MAPK13: variants seen among roughly 807,000 people sequenced by gnomAD.
MAPK13 encodes MAP kinase 13.
A neutral mutation model predicts 53.5 loss-of-function variants in MAPK13; 39 were observed. That is an observed-to-expected ratio of 0.73 (90% CI 0.56 to 0.95). The LOEUF is 0.95. Among genes scored for constraint, MAPK13 ranks in the 40% least tolerant of loss-of-function variants. MAPK13 has a pLI of 0.00. For synonymous variants in MAPK13, 179 were observed against 190.9 expected, an observed-to-expected ratio of 0.94 and a Z score of 0.51; for missense variants, 460 against 471.8, an observed-to-expected ratio of 0.98 and a Z score of 0.23.
At chr6:36,136,606 A>G in intron 6 of MAPK13, 50 bp from the exon 7 acceptor site, 1 of 1,609,144 alleles carries the variant, frequency 6.2e-7, no homozygotes, top group South Asian at 1.1e-5. Flanking sequence ...CCGCTCCCAG[A>G]GCCTCCTCCC....
rs1399362527 is a variant in MAPK13, at chr6:36,130,985, G to A, written c.119+284G>A. The A allele has an allele frequency of 3.1e-5, 16 of 524,414 alleles. No individual in the cohort carries two copies. In the East Asian group the frequency reaches 3.5e-4, roughly 12 times the overall value. The allele number at this position is 524,414 out of a possible 1,614,324, so 32.5% of individuals were successfully genotyped here. A position where few individuals can be genotyped will look rare whatever the true frequency, so the allele number is the denominator to read the frequency against. On this transcript the variant is annotated intron_variant, in intron 1 of 11. Transcript: ENST00000211287. This position sits in a 1 kb window ranked among gnomAD's most constrained non-coding sequence, Gnocchi z 4.5. ...CCTCACTGTTACAGACGAGTACACC[G>A]AGGCCCCAAGAGGGGGAGGTGGCTC...
rs1766413312 is a variant in MAPK13, at chr6:36,136,160, G to C, written c.447+112G>C. ...TGGAGGGAGGGGACACTGCCCAGGA[G>C]CACAGAATGTGGAGTTTTCACACCC... On this transcript the variant is annotated intron_variant, in intron 5 of 11. Transcript: ENST00000211287. The C allele has an allele frequency of 2.3e-6, 3 of 1,305,684 alleles. No individual in the cohort carries two copies. In the Admixed American group the frequency reaches 5.7e-5, roughly 25 times the overall value. 80.9% of individuals were successfully genotyped at this position (1,305,684 alleles called of 1,614,324 possible). A position where few individuals can be genotyped will look rare whatever the true frequency, so the allele number is the denominator to read the frequency against.
rs372731935 is a variant in MAPK13, at chr6:36,138,966, C to A, written c.929C>A (p.Pro310His). The A allele has an allele frequency of 6.2e-7, 1 of 1,613,820 alleles. No individual in the cohort carries two copies. The highest frequency in any genetic ancestry group is 1.3e-5 in the African/African-American group (1 of 74,920). Residue 310 changes from proline (P) to histidine (H), a missense_variant, in exon 11 of 12, where the codon CCC becomes CAC. Transcript: ENST00000211287. ...AQALTHPFFEPFRDPEEETEA... is the reference protein window; with the variant it reads ...AQALTHPFFEHFRDPEEETEA... ...GCCCTCACCCATCCCTTCTTTGAAC[C>A]CTTCCGGGACCCTGAGGAAGAGACG... is the stretch of plus-strand genomic sequence containing the variant.
In MAPK13 at chr6:36,130,836, C is replaced by A. The variant is rs915612573; in HGVS notation, c.119+135C>A. The A allele has an allele frequency of 1.9e-6, 1 of 528,634 alleles. No homozygotes were observed. Among genetic ancestry groups the A allele is most frequent in the African/African-American group, 2.0e-5 (1 of 48,868 alleles). The allele number at this position is 528,634 out of a possible 1,614,324, so 32.7% of individuals were successfully genotyped here. On this transcript the variant is annotated intron_variant, in intron 1 of 11. Transcript: ENST00000211287. The surrounding 1 kb of genome is among the most constrained non-coding windows in gnomAD (Gnocchi z 4.5). Reference sequence around the variant, plus strand: ...CAAGGCCCAGCGCCCTCCCCGGGGCCACCCAGCGGCCATCTCCCTTTTCTC... The same window carrying A: ...CAAGGCCCAGCGCCCTCCCCGGGGCAACCCAGCGGCCATCTCCCTTTTCTC...
Position 36,135,775 on chromosome 6 carries a change from C to T in MAPK13, c.331C>T (p.Gln111Ter), listed in dbSNP as rs776866585. Residue 111 changes from glutamine to a stop codon, truncating the protein, a stop_gained, in exon 4 of 12, where the codon CAG becomes TAG. Transcript: ENST00000211287. LOFTEE classifies it high-confidence loss of function. ...YDFYLVMPFM[Q>*]TDLQKIMGME... ...CAGCTACCTGGTGATGCCCTTCATG[C>T]AGACGGATCTGCAGAAGATCATGGG... The T allele has an allele frequency of 2.5e-6, 4 of 1,613,654 alleles. No homozygotes were observed. The South Asian group carries it at 4.4e-5, about 18-fold the overall frequency.
chr6:36,137,903 G>C (rs1278375794), intron 8 of MAPK13, among the ~76,000 whole-genome samples: 1 of 137,380 alleles, frequency 7.3e-6, no homozygotes, highest in Non-Finnish European at 1.5e-5. Flanking sequence ...AGGTTGCAGT[G>C]AGCCAAGACT....
At position 36,138,919 on chromosome 6, in the gene MAPK13, C is replaced by A. The variant is rs760221733; in HGVS notation, c.882C>A (p.Asp294Glu). ...AGAAGATGCTGGAGCTAGACGTGGACAAGCGCCTGACGGCCGCGCAGGCCC... is the reference window on the plus strand; with the variant it reads ...AGAAGATGCTGGAGCTAGACGTGGAAAAGCGCCTGACGGCCGCGCAGGCCC... ...LLEKMLELDV[D>E]KRLTAAQALT... The change falls in exon 11 of 12, where the codon GAC becomes GAA. Residue 294 changes from aspartate (D) to glutamate (E), a missense_variant. Asp to Glu is a conservative substitution (Grantham distance 45, BLOSUM62 2). Transcript: ENST00000211287. The A allele has an allele frequency of 6.2e-7, 1 of 1,611,980 alleles. No individual in the cohort carries two copies. The highest frequency in any genetic ancestry group is 1.1e-5 in the South Asian group (1 of 90,866).
chr6:36,131,266 G>C lies in MAPK13; in HGVS notation c.120-5G>C, dbSNP rs756025034. Reference sequence around the variant, plus strand: ...CTCGCCTGCTGACCGGCCTGTGCCCGACAGCTCGGCCATCGACAAGCGGTC... The same window carrying C: ...CTCGCCTGCTGACCGGCCTGTGCCCCACAGCTCGGCCATCGACAAGCGGTC... On this transcript the variant is annotated splice_region_variant and splice_polypyrimidine_tract_variant and intron_variant, in intron 1 of 11. Transcript: ENST00000211287. The C allele has an allele frequency of 6.2e-7, 1 of 1,611,178 alleles. No homozygotes were observed. Among genetic ancestry groups the C allele is most frequent in the African/African-American group, 1.3e-5 (1 of 75,040 alleles).
chr6:36,135,717 C>A (rs200235902), intron 3 of MAPK13, 36 bp from the exon 4 acceptor site: 1 of 1,499,658 alleles, frequency 6.7e-7, no homozygotes, highest in Non-Finnish European at 9.2e-7. Flanking sequence ...CTGGGTGGGA[C>A]CCGGCACTGT....
At chr6:36,133,774 T>C (rs749989690) in intron 3 of MAPK13, among the ~76,000 whole-genome samples, 18 of 152,104 alleles carry the variant, frequency 1.2e-4, no homozygotes, top group Non-Finnish European at 2.2e-4. Context: ...TTGTAGAATG[T>C]GGTAAGATAG....
At position 36,136,913 on chromosome 6, in the gene MAPK13, G is replaced by A; in HGVS notation, c.645G>A (p.Glu215=). 6.2e-7 allele frequency: 1 copy of A among 1,614,236 alleles called. No individual in the cohort carries two copies. Among genetic ancestry groups the A allele is most frequent in the Non-Finnish European group, 8.5e-7 (1 of 1,180,032 alleles). Residue 215 remains glutamate (E), a synonymous_variant, in exon 8 of 12, where the codon GAG becomes GAA. Coordinates refer to ENST00000211287, the MANE Select transcript of MAPK13 (RefSeq NM_002754.5). The stretch of plus-strand genomic sequence containing the variant: ...GGTCTGTGGGCTGTATCATGGCAGA[G>A]ATGCTGACAGGGAAAACTCTGTTCA... ...DIWSVGCIMA[E]MLTGKTLFKG...
rs1466702692 is a variant in MAPK13 at position 36,139,296 on chromosome 6, C to G, written c.1021C>G (p.His341Asp). The G allele has an allele frequency of 6.2e-7, 1 of 1,613,922 alleles. No individual in the cohort carries two copies. Among genetic ancestry groups the G allele is most frequent in the Non-Finnish European group, 8.5e-7 (1 of 1,179,804 alleles). The change falls in exon 12 of 12, where the codon CAC (histidine) becomes GAC (aspartate). Residue 341 changes from histidine to aspartate, a missense_variant and splice_region_variant. Coordinates refer to ENST00000211287, the MANE Select transcript of MAPK13 (RefSeq NM_002754.5). ...EKLTVDEWKQ[H>D]IYKEIVNFSP... is the part of the protein sequence containing the mutation. ...TTAAACCATGCTGCCTTTCTCAGAG[C>G]ACATCTACAAGGAGATTGTGAACTT...
chr6:36,138,256 C>A, intron 8 of MAPK13, 109 bp from the exon 9 acceptor site: 1 of 788,506 alleles, frequency 1.3e-6, no homozygotes, highest in Non-Finnish European at 2.2e-6. Flanking sequence ...AGGGCTGGAG[C>A]CTGGATGATC....
Position 36,141,475 on chromosome 6 carries a change from A to T in MAPK13, c.*2102A>T, listed in dbSNP as rs1311928892. 2 of 152,136 alleles carry T rather than the reference A, an allele frequency of 1.3e-5. No homozygotes were observed. The highest frequency in any genetic ancestry group is 2.9e-5 in the Non-Finnish European group (2 of 68,040). The allele number at this position is 152,136 out of a possible 1,614,324, so 9.4% of individuals were successfully genotyped here. On this transcript the variant is annotated 3_prime_UTR_variant, in exon 12 of 12. Coordinates refer to ENST00000211287, the MANE Select transcript of MAPK13 (RefSeq NM_002754.5). ...GATCACTTGAGGTCAGGAGTTCAAG[A>T]CCAGCCTGGCCAACATGGTGAAACC...
At position 36,139,445 on chromosome 6, in the gene MAPK13, CCTT is replaced by C. The variant is rs1311817306; in HGVS notation, c.*76_*78del. The C allele has an allele frequency of 3.1e-6, 4 of 1,281,708 alleles. No homozygotes were observed. The highest frequency in any genetic ancestry group is 4.5e-6 in the Non-Finnish European group (4 of 880,046). The allele number at this position is 1,281,708 out of a possible 1,614,324, so 79.4% of individuals were successfully genotyped here. A position where few individuals can be genotyped will look rare whatever the true frequency, so the allele number is the denominator to read the frequency against. On this transcript the variant is annotated 3_prime_UTR_variant, in exon 12 of 12. Transcript: ENST00000211287. The stretch of plus-strand genomic sequence containing the variant: ...AGTATTTGTCACTACCAAACTCAGC[CCTT>C]CTTGGAATACAGCCTTTCAAGCAGA...
Position 36,139,597 on chromosome 6 carries a change from C to T in MAPK13, c.*224C>T, listed in dbSNP as rs1018954334. On this transcript the variant is annotated 3_prime_UTR_variant, in exon 12 of 12. Coordinates refer to ENST00000211287, the MANE Select transcript of MAPK13 (RefSeq NM_002754.5). Reference sequence around the variant, plus strand: ...ACGTTAAACTGCCCATCTGGAGAATCGCCTGCAGGTGGGGCCCTTTCCTTC... The same window carrying T: ...ACGTTAAACTGCCCATCTGGAGAATTGCCTGCAGGTGGGGCCCTTTCCTTC... 9 of 528,314 alleles carry T rather than the reference C, an allele frequency of 1.7e-5. No individual in the cohort carries two copies. Among genetic ancestry groups the T allele is most frequent in the East Asian group, 6.5e-5 (2 of 30,910 alleles). The allele number at this position is 528,314 out of a possible 1,614,324, so 32.7% of individuals were successfully genotyped here.
intron 8 of MAPK13, 97 bp from the exon 9 acceptor site, chr6:36,138,268 G>A (rs368652896): frequency 3.4e-6 from 3 of 887,538 alleles, no homozygotes; most frequent in Non-Finnish European, 1.9e-6. Context: ...TGGATGATCA[G>A]TTGCCATGGT....
At chr6:36,135,290 CTG>C (rs1281591377) in intron 3 of MAPK13, among the ~76,000 whole-genome samples, 1 of 152,240 alleles carries the variant, frequency 6.6e-6, no homozygotes, top group Non-Finnish European at 1.5e-5. Context: ...CTCCTGGAAA[CTG>C]TTGTATTGTT....
chr6:36,134,408 A>C (rs1040171382), intron 3 of MAPK13, among the ~76,000 whole-genome samples: 2 of 152,188 alleles, frequency 1.3e-5, no homozygotes, highest in Non-Finnish European at 2.9e-5. Flanking sequence ...TAAATTTATT[A>C]TATTCTAGAG....
Sources: gnomAD v4.1 joint callset for allele counts (sites outside exome capture counted in the v4.1 genomes callset) on GRCh38, gnomAD v4.1.1 for gene constraint, Gnocchi (gnomAD v3.1) non-coding constraint, MANE v1.5 for transcripts, NCBI Gene and HGNC (gene_info 2026-07-23, HGNC 2026-07-21) for gene names.